The following TRMT13 variants were observed in gnomAD, a reference collection of about 807,000 sequenced individuals.
TRMT13 encodes the protein tRNA:m(4)X modification enzyme TRM13 homolog.
A neutral mutation model predicts 55.9 loss-of-function variants in TRMT13; 45 were observed. That is an observed-to-expected ratio of 0.80 (90% CI 0.63 to 1.03). The LOEUF is 1.03. TRMT13 is among the 50% of genes least tolerant of loss of function. TRMT13 has a pLI of 0.00. For missense variants in TRMT13, 513 were observed against 563.9 expected (o/e 0.91, Z 0.91); for synonymous variants, 183 against 196.3 (o/e 0.93, Z 0.57).
intron 9 of TRMT13, among the ~76,000 whole-genome samples, chr1:100,147,025 T>C (rs1019616115): frequency 2.8e-4 from 43 of 152,216 alleles, no homozygotes; most frequent in Non-Finnish European, 6.0e-4. Context: ...TCATTTGTGA[T>C]ATCTTAGGGT....
At chr1:100,140,632 C>A in intron 6 of TRMT13, 118 bp downstream of exon 6, 1 of 911,318 alleles carries the variant, frequency 1.1e-6, no homozygotes, top group South Asian at 1.7e-5. Flanking sequence ...CAAATATTTC[C>A]ATTTCAAAAA....
At chr1:100,142,400 C>G (rs979953061) in intron 7 of TRMT13, among the ~76,000 whole-genome samples, 3 of 151,874 alleles carry the variant, frequency 2.0e-5, no homozygotes, top group Non-Finnish European at 4.4e-5. Flanking sequence ...AGAAAGAGGC[C>G]AGAGCTAAAG....
At chr1:100,141,097 A>C in intron 7 of TRMT13, 78 bp downstream of exon 7, 1 of 1,298,540 alleles carries the variant, frequency 7.7e-7, no homozygotes, top group Non-Finnish European at 1.0e-6. Flanking sequence ...TGATAGAAAC[A>C]TTTCTTAAAA....
At chr1:100,140,744 A>G (rs1656511369) in intron 6 of TRMT13, 108 bp from the exon 7 acceptor site, 4 of 1,149,810 alleles carry the variant, frequency 3.5e-6, no homozygotes, top group Admixed American at 5.0e-5. Flanking sequence ...GTCAAATACA[A>G]ATTATCAATG....
intron 3 of TRMT13, among the ~76,000 whole-genome samples, chr1:100,137,660 G>C (rs1231108860): frequency 2.6e-5 from 4 of 152,114 alleles, no homozygotes; most frequent in Non-Finnish European, 5.9e-5. Flanking sequence ...AAGCTCCCTT[G>C]AAAAGGTAGT....
In TRMT13 at chr1:100,143,117, A is replaced by G. The variant is rs1342907567; in HGVS notation, c.670-20A>G. On this transcript the variant is annotated intron_variant, in intron 7 of 10. Coordinates refer to ENST00000370141, the MANE Select transcript of TRMT13 (RefSeq NM_019083.3). Reference sequence around the variant, plus strand: ...TTAAATGTAAGAAGTGATTATTACAATAATGTTCTGTTTGTGCAGGTGGAT... The same window carrying G: ...TTAAATGTAAGAAGTGATTATTACAGTAATGTTCTGTTTGTGCAGGTGGAT... 6 of 1,566,410 alleles carry G rather than the reference A, an allele frequency of 3.8e-6. No homozygotes were observed. The highest frequency in any genetic ancestry group is 1.7e-5 in the Admixed American group (1 of 57,928).
At chr1:100,139,577 A>C in intron 3 of TRMT13, 72 bp from the exon 4 acceptor site, 1 of 872,174 alleles carries the variant, frequency 1.1e-6, no homozygotes, top group Non-Finnish European at 1.9e-6. Flanking sequence ...AAAGGGAAGA[A>C]TCAGTATTTT....
In TRMT13 at chr1:100,143,157, G is replaced by A. The variant is rs1215933679; in HGVS notation, c.690G>A (p.Lys230=). Residue 230 remains lysine (K), a synonymous_variant, in exon 8 of 11, where the codon AAG becomes AAA. Transcript: ENST00000370141. ...TGCAGGTGGATGGAAAACACAGAAA[G>A]AAAAATTCAGTGTTTGAAAGACTTC... is the stretch of plus-strand genomic sequence containing the variant. ...TRFKVDGKHR[K]KNSVFERLQI... 1 of 1,610,100 alleles carries A rather than the reference G, an allele frequency of 6.2e-7. No homozygotes were observed. The highest frequency in any genetic ancestry group is 2.2e-5 in the East Asian group (1 of 44,706).
intron 3 of TRMT13, among the ~76,000 whole-genome samples, 177 bp from the exon 4 acceptor site, chr1:100,139,472 C>A (rs1441570589): frequency 6.6e-6 from 1 of 152,000 alleles, no homozygotes; most frequent in Non-Finnish European, 1.5e-5. Flanking sequence ...GTGCCCAATA[C>A]CTAAAGCAAA....
intron 10 of TRMT13, 130 bp from the exon 11 acceptor site, chr1:100,148,495 G>T: frequency 9.5e-7 from 1 of 1,055,980 alleles, no homozygotes. Flanking sequence ...ATGTGTCTTG[G>T]AAGCATGGGA....
chr1:100,137,863 G>A (rs989084721), intron 3 of TRMT13, among the ~76,000 whole-genome samples: 3 of 152,172 alleles, frequency 2.0e-5, no homozygotes, highest in African/African-American at 7.2e-5. Context: ...CATTAAGATG[G>A]TGTAGAAGAA....
chr1:100,148,422 T>C (rs1401422815), intron 10 of TRMT13, 96 bp downstream of exon 10: 13 of 1,294,934 alleles, frequency 1.0e-5, no homozygotes, highest in Non-Finnish European at 1.4e-5. Context: ...TGAAAATGTA[T>C]TTTATAATCT....
chr1:100,138,417 A>G (rs891115538), intron 3 of TRMT13, among the ~76,000 whole-genome samples: 1 of 152,254 alleles, frequency 6.6e-6, no homozygotes, highest in Non-Finnish European at 1.5e-5. Context: ...GTTTTCTATT[A>G]TAGTTTTTTT....
chr1:100,140,505 G>A lies in TRMT13; in HGVS notation c.492G>A (p.Leu164=). ...PKNGDSATKH[L]KQQASILGNI... is the part of the protein sequence containing the mutation. ...ATGGCGATTCTGCAACCAAGCACCT[G>A]AAACAGCAGGTATGTTTAGGCTATA... The change falls in exon 6 of 11, where the codon CTG becomes CTA. Residue 164 remains leucine (L), a synonymous_variant. Transcript: ENST00000370141. The A allele has an allele frequency of 6.2e-7, 1 of 1,611,626 alleles. No homozygotes were observed. Among genetic ancestry groups the A allele is most frequent in the Admixed American group, 1.7e-5 (1 of 60,016 alleles).
intron 9 of TRMT13, among the ~76,000 whole-genome samples, chr1:100,147,405 C>A (rs1657401472): frequency 6.6e-6 from 1 of 152,232 alleles, no homozygotes; most frequent in African/African-American, 2.4e-5. Flanking sequence ...TTCAACTCTT[C>A]AGTTCATCAC....
rs149250065 is a variant in TRMT13 at position 100,140,467 on chromosome 1, A to G, written c.454A>G (p.Asn152Asp). The change falls in exon 6 of 11, where the codon AAT becomes GAT. Residue 152 changes from asparagine (N) to aspartate (D), a missense_variant. Physicochemically the swap from Asn to Asp is conservative, Grantham distance 23. Coordinates refer to ENST00000370141, the MANE Select transcript of TRMT13 (RefSeq NM_019083.3). ...CCATCCAGCATTACACGATGCACTT[A>G]ATGACCCTAAAAATGGCGATTCTGC... The part of the protein sequence containing the change: ...MSHPALHDAL[N>D]DPKNGDSATK... 3.0e-4 allele frequency: 480 copies of G among 1,614,064 alleles called. No individual in the cohort carries two copies. The highest frequency in any genetic ancestry group is 2.8e-3 in the Middle Eastern group (17 of 6,058).
At chr1:100,147,244 A>G (rs1657382547) in intron 9 of TRMT13, among the ~76,000 whole-genome samples, 1 of 152,228 alleles carries the variant, frequency 6.6e-6, no homozygotes, top group East Asian at 1.9e-4. Context: ...TGTGGAGTAC[A>G]TCTGCCTCTT....
At position 100,136,894 on chromosome 1, in the gene TRMT13, C is replaced by T. The variant is rs1308644018; in HGVS notation, c.160C>T (p.Arg54Trp). ...HAGAAEEEDA[R>W]KRILCPLDPK... ...CTTAATTTATTAGGAAGAAGATGCT[C>T]GGAAAAGAATCCTGTGTCCTTTAGA... is the stretch of plus-strand genomic sequence containing the variant. Residue 54 changes from arginine to tryptophan, a missense_variant, in exon 2 of 11, where the codon CGG becomes TGG. By Grantham distance (101) the Arg-to-Trp change is moderately radical. This residue lies in a region of TRMT13 where 298 missense variants were observed against 290.3 expected (regional missense o/e 1.03). Coordinates refer to ENST00000370141, the MANE Select transcript of TRMT13 (RefSeq NM_019083.3). The T allele has an allele frequency of 5.6e-6, 9 of 1,597,780 alleles. No homozygotes were observed. Among genetic ancestry groups the T allele is most frequent in the Admixed American group, 1.7e-5 (1 of 57,248 alleles).
chr1:100,133,177 C>T lies in TRMT13; in HGVS notation c.9C>T (p.Thr3=). 1 of 1,614,156 alleles carries T rather than the reference C, an allele frequency of 6.2e-7. No individual in the cohort carries two copies. Among genetic ancestry groups the T allele is most frequent in the African/African-American group, 1.3e-5 (1 of 75,048 alleles). MA[T]SATSPHAPGF... is the part of the protein sequence containing the mutation. ...AAGCGAGCCCTAGAATTATGGCGACCTCCGCGACGTCGCCGCACGCGCCTG... is the reference window on the plus strand; with the variant it reads ...AAGCGAGCCCTAGAATTATGGCGACTTCCGCGACGTCGCCGCACGCGCCTG... Residue 3 remains threonine, a synonymous_variant, in exon 1 of 11, where the codon ACC becomes ACT. Transcript: ENST00000370141.
Sources: gnomAD v4.1 joint callset for allele counts (sites outside exome capture counted in the v4.1 genomes callset) on GRCh38, gnomAD v4.1.1 for gene constraint, gnomAD v4.1.1 regional missense constraint, MANE v1.5 for transcripts, NCBI Gene and HGNC (gene_info 2026-07-23, HGNC 2026-07-21) for gene names.